The following MTA1 variants were observed in gnomAD, a reference collection of about 807,000 sequenced individuals.
MTA1 encodes the protein metastasis associated 1.
MTA1 carries 15 observed loss-of-function variants against 97.0 expected under a neutral mutation model. The ratio of observed to expected loss-of-function variants is 0.15; its 90% confidence interval spans 0.10 to 0.24. The LOEUF (loss-of-function observed/expected upper bound fraction) is 0.24. Ranked by LOEUF, MTA1 falls within the 10% of genes least tolerant of loss-of-function variation. The pLI is 1.00. For missense variants in MTA1, 709 were observed against 1,015.1 expected (o/e 0.70, Z 4.10); for synonymous variants, 435 against 417.5 (o/e 1.04, Z -0.51).
chr14:105,468,711 C>T (rs1474325057), intron 18 of MTA1, among the ~76,000 whole-genome samples: 1 of 152,212 alleles, frequency 6.6e-6, no homozygotes, highest in African/African-American at 2.4e-5. Flanking sequence ...GACATCCTGT[C>T]CTCTCTGAGC....
At chr14:105,431,508 A>G (rs1310059801) in intron 1 of MTA1, among the ~76,000 whole-genome samples, 1 of 152,262 alleles carries the variant, frequency 6.6e-6, no homozygotes, top group Non-Finnish European at 1.5e-5. Flanking sequence ...GTGGCACAGA[A>G]AAGGGCTTGG....
At chr14:105,466,767 C>T (rs782795181) in intron 18 of MTA1, 25 bp downstream of exon 18, 22 of 1,558,526 alleles carry the variant, frequency 1.4e-5, no homozygotes, top group African/African-American at 8.2e-5. Flanking sequence ...CGCGGGCGGG[C>T]GCTGCGCCGG....
In MTA1 at chr14:105,454,119, G is replaced by C. The variant is rs587756879; in HGVS notation, c.433-74G>C. On this transcript the variant is annotated intron_variant, in intron 6 of 20. Coordinates refer to ENST00000331320, the MANE Select transcript of MTA1 (RefSeq NM_004689.4). ...GCAAGACCCTCCCAGCAGCCCGGCC[G>C]TGCTGACGCCTCTCTGACCCTCCCA... is the stretch of plus-strand genomic sequence containing the variant. 8 of 1,151,082 alleles carry C rather than the reference G, an allele frequency of 6.9e-6. No homozygotes were observed. The East Asian group carries it at 1.7e-4, about 24-fold the overall frequency. The allele number at this position is 1,151,082 out of a possible 1,614,324, so 71.3% of individuals were successfully genotyped here.
Position 105,453,036 on chromosome 14 carries a change from C to G in MTA1, c.433-1157C>G, listed in dbSNP as rs138829676. On this transcript the variant is annotated intron_variant, in intron 6 of 20. Transcript: ENST00000331320. ...CTGGGACTCCAGGGTCAGGCCCGGACAGGCCTGCTTCAAAAATCATCAGAA... is the reference window on the plus strand; with the variant it reads ...CTGGGACTCCAGGGTCAGGCCCGGAGAGGCCTGCTTCAAAAATCATCAGAA... Among the ~76,000 whole-genome samples the G allele has an allele frequency of 9.7e-4, 148 of 152,396 alleles. 4 individuals carry two copies. The East Asian group carries it at 0.028, about 29-fold the overall frequency.
chr14:105,467,361 G>T, intron 18 of MTA1: 1 of 453,366 alleles, frequency 2.2e-6, no homozygotes, highest in Non-Finnish European at 4.4e-6. Flanking sequence ...GAGCCCCTTC[G>T]CCAGGCGGCT....
chr14:105,451,394 G>C (rs918091204), intron 6 of MTA1, among the ~76,000 whole-genome samples: 1 of 152,240 alleles, frequency 6.6e-6, no homozygotes, highest in Non-Finnish European at 1.5e-5. Flanking sequence ...GCCTGGGGTC[G>C]TAACACATGC....
Position 105,470,178 on chromosome 14 carries a change from C to A in MTA1, c.2111C>A (p.Ala704Glu). Residue 704 changes from alanine to glutamate, a missense_variant, in exon 21 of 21, where the codon GCG (alanine) becomes GAG (glutamate). This residue lies in a region of MTA1 where 388 missense variants were observed against 421.6 expected (regional missense o/e 0.92). Transcript: ENST00000331320. ...CTGCCGCCGCGGCCACCGCCACCTG[C>A]GCCCGTCAACGACGAGCCCATCGTC... ...QALPPRPPPP[A>E]PVNDEPIVIE... 1 of 1,608,196 alleles carries A rather than the reference C, an allele frequency of 6.2e-7. No homozygotes were observed. The highest frequency in any genetic ancestry group is 2.2e-5 in the East Asian group (1 of 44,762).
chr14:105,446,261 C>T (rs922671082), intron 3 of MTA1, among the ~76,000 whole-genome samples: 3 of 152,214 alleles, frequency 2.0e-5, no homozygotes, highest in Non-Finnish European at 2.9e-5. Context: ...CTTCATGTGT[C>T]GGTGGGGGCA....
In MTA1 at chr14:105,466,427, G is replaced by GGGGGGGGGCGC; in HGVS notation, c.1626_1627insGGGGGGGGCGC (p.Thr543GlyfsTer15). 1 of 1,592,108 alleles carries GGGGGGGGGCGC rather than the reference G, an allele frequency of 6.3e-7. No homozygotes were observed. Among genetic ancestry groups the GGGGGGGGGCGC allele is most frequent in the Non-Finnish European group, 8.6e-7 (1 of 1,165,322 alleles). On this transcript the variant is annotated frameshift_variant and splice_region_variant, in exon 17 of 21. Transcript: ENST00000331320. LOFTEE classifies it high-confidence loss of function. ...TTCTGCCTGTGTCATTCCCGGCAGAGACCCACCCCCGCCCCCCCAAGCCTG... is the reference window on the plus strand; with the variant it reads ...TTCTGCCTGTGTCATTCCCGGCAGAGGGGGGGGGCGCACCCACCCCCGCCCCCCCAAGCCTG...
intron 10 of MTA1, among the ~76,000 whole-genome samples, chr14:105,462,700 C>A (rs1008647356): frequency 1.3e-5 from 2 of 151,894 alleles, no homozygotes; most frequent in Non-Finnish European, 2.9e-5. Context: ...GAAACCACGT[C>A]TGTACTAAAA....
chr14:105,461,632 G>T (rs1183422000), intron 10 of MTA1, among the ~76,000 whole-genome samples: 1 of 152,220 alleles, frequency 6.6e-6, no homozygotes, highest in Non-Finnish European at 1.5e-5. Context: ...AGCACCATCC[G>T]GGCAGCAGCG....
At position 105,458,616 on chromosome 14, in the gene MTA1, G is replaced by T. The variant is rs374174673; in HGVS notation, c.653+244G>T. Among the ~76,000 whole-genome samples the T allele has an allele frequency of 3.1e-3, 475 of 152,238 alleles. 1 individual carries two copies. Among genetic ancestry groups the T allele is most frequent in the Middle Eastern group, 6.8e-3 (2 of 294 alleles). ...GGCAGGCCTGTGTGCCTGCCCATGT[G>T]TCCCTAATGGGGCTTTCCCAGGATG... On this transcript the variant is annotated intron_variant, in intron 8 of 20. Transcript: ENST00000331320.
intron 7 of MTA1, among the ~76,000 whole-genome samples, chr14:105,455,444 GC>G (rs2083107760): frequency 6.6e-6 from 1 of 152,254 alleles, no homozygotes; most frequent in African/African-American, 2.4e-5. Flanking sequence ...TCCCCGCTGG[GC>G]AAGGCCGCGA....
rs1382469936 is a variant in MTA1, at chr14:105,466,500, A to G, written c.1699A>G (p.Lys567Glu). Residue 567 changes from lysine (K) to glutamate (E), a missense_variant, in exon 17 of 21, where the codon AAG becomes GAG. Physicochemically the swap from Lys to Glu is moderately conservative, Grantham distance 56. Around this residue, in one of 2 missense-constraint regions of MTA1, gnomAD observed 388 missense variants for 421.6 expected, o/e 0.92. Coordinates refer to ENST00000331320, the MANE Select transcript of MTA1 (RefSeq NM_004689.4). ...SSVLSSLTPA[K>E]VAPVINNGSP... ...CGTGCTCAGCAGCCTGACGCCCGCC[A>G]AGGTGGCCCCCGTCATCAACAACGG... The G allele has an allele frequency of 4.5e-6, 6 of 1,348,160 alleles. No homozygotes were observed. Among genetic ancestry groups the G allele is most frequent in the Non-Finnish European group, 5.9e-6 (6 of 1,025,310 alleles). 83.5% of individuals were successfully genotyped at this position (1,348,160 alleles called of 1,614,324 possible).
In MTA1 at chr14:105,442,087, T is replaced by C. The variant is rs587739972; in HGVS notation, c.97-3331T>C. 6.6e-5 allele frequency among the ~76,000 whole-genome samples: 10 copies of C among 152,336 alleles called. No individual in the cohort carries two copies. In the South Asian group the frequency reaches 1.9e-3, roughly 28 times the overall value. ...GTCCATTGGTCCAACGTCCAGTTAA[T>C]AGCAGAGAAGGAGCGAGCAAAGCAA... On this transcript the variant is annotated intron_variant, in intron 2 of 20. Transcript: ENST00000331320.
At chr14:105,465,208 G>C in intron 16 of MTA1, 25 bp downstream of exon 16, 1 of 1,486,516 alleles carries the variant, frequency 6.7e-7, no homozygotes, top group Non-Finnish European at 9.0e-7. Flanking sequence ...GTGCTGGGGG[G>C]CTCCCAATGC....
In MTA1 at chr14:105,463,105, C is replaced by CTG. The variant is rs2083423620; in HGVS notation, c.943-79_943-78insTG. ...TCCCGCCCCCTCTGTGGCCTTCTGGCCGCAGCCCTGCCCCTGCCTGCATGG... is the reference window on the plus strand; with the variant it reads ...TCCCGCCCCCTCTGTGGCCTTCTGGCTGCGCAGCCCTGCCCCTGCCTGCATGG... On this transcript the variant is annotated intron_variant, in intron 10 of 20. Transcript: ENST00000331320. This position sits in a 1 kb window ranked among gnomAD's most constrained non-coding sequence, Gnocchi z 5.9. 2.2e-5 allele frequency: 31 copies of CTG among 1,413,444 alleles called. No homozygotes were observed. The East Asian group carries it at 6.8e-4, about 31-fold the overall frequency. 87.6% of individuals were successfully genotyped at this position (1,413,444 alleles called of 1,614,324 possible).
intron 1 of MTA1, among the ~76,000 whole-genome samples, chr14:105,421,539 G>A (rs1364224853): frequency 6.6e-6 from 1 of 152,172 alleles, no homozygotes; most frequent in Non-Finnish European, 1.5e-5. Flanking sequence ...GCAGCTTTGG[G>A]CTCTAGGGCT....
At chr14:105,442,095 A>C (rs2082551846) in intron 2 of MTA1, among the ~76,000 whole-genome samples, 2 of 152,250 alleles carry the variant, frequency 1.3e-5, no homozygotes, top group Admixed American at 6.5e-5. Flanking sequence ...AATAGCAGAG[A>C]AGGAGCGAGC....
Sources: allele counts gnomAD v4.1 joint callset (sites outside exome capture counted in the v4.1 genomes callset), GRCh38; gene constraint gnomAD v4.1.1; regional missense constraint gnomAD v4.1.1; non-coding constraint Gnocchi (gnomAD v3.1); transcripts MANE v1.5; gene names NCBI Gene and HGNC (gene_info 2026-07-23, HGNC 2026-07-21).